Variants in SLC14A2 observed in about 807,000 individuals in gnomAD.
SLC14A2 encodes urea transporter 2.
A neutral mutation model predicts 104.6 loss-of-function variants in SLC14A2; 91 were observed. That is an observed-to-expected ratio of 0.87 (90% CI 0.73 to 1.04). The LOEUF (loss-of-function observed/expected upper bound fraction) is 1.04. Among genes scored for constraint, SLC14A2 ranks in the 50% least tolerant of loss-of-function variants. The probability of loss-of-function intolerance (pLI) is 0.00; values close to 1 mark genes in which losing one functional copy is unlikely to be tolerated. For synonymous variants in SLC14A2, 476 were observed against 466.4 expected (o/e 1.02, Z -0.27); for missense variants, 1,189 against 1,156.0 (o/e 1.03, Z -0.41).
chr18:45,286,522 C>A (rs1005109430), intron 1 of SLC14A2, among the ~76,000 whole-genome samples: 4 of 152,228 alleles, frequency 2.6e-5, no homozygotes, highest in Non-Finnish European at 4.4e-5. Context: ...ACCATATCTA[C>A]TCTCATTTTA....
chr18:45,584,451 T>C (rs1383180022), intron 2 of SLC14A2, among the ~76,000 whole-genome samples: 1 of 152,222 alleles, frequency 6.6e-6, no homozygotes, highest in Non-Finnish European at 1.5e-5. Context: ...ATGAACAACC[T>C]GTAGCAGTTT....
chr18:45,431,185 C>T (rs1193560020), intron 1 of SLC14A2, among the ~76,000 whole-genome samples: 1 of 152,150 alleles, frequency 6.6e-6, no homozygotes, highest in Non-Finnish European at 1.5e-5. Flanking sequence ...TCTGCTACAG[C>T]CTAAGTGACC....
chr18:45,675,191 A>T lies in SLC14A2; in HGVS notation c.2512+1374A>T, dbSNP rs79819147. 2.7e-3 allele frequency among the ~76,000 whole-genome samples: 417 copies of T among 152,376 alleles called. 1 individual carries two copies. The highest frequency in any genetic ancestry group is 5.1e-3 in the Non-Finnish European group (347 of 68,040). ...GAAACATGAGAATACACTAAAGTGA[A>T]TTTTAAGCCCCTGTAGGTGGATCCT... is the stretch of plus-strand genomic sequence containing the variant. On this transcript the variant is annotated intron_variant, in intron 18 of 19. Coordinates refer to ENST00000255226, the MANE Select transcript of SLC14A2 (RefSeq NM_007163.4).
intron 1 of SLC14A2, among the ~76,000 whole-genome samples, chr18:45,284,438 G>A (rs892532281): frequency 1.6e-4 from 24 of 152,080 alleles, no homozygotes; most frequent in Non-Finnish European, 5.9e-5. Context: ...TTTGGCAGGC[G>A]CTGTCTCCTT....
intron 1 of SLC14A2, among the ~76,000 whole-genome samples, chr18:45,356,193 C>T (rs887720443): frequency 6.6e-6 from 1 of 152,156 alleles, no homozygotes; most frequent in African/African-American, 2.4e-5. Context: ...TCTGTGGCTC[C>T]TTGAGCATGT....
At chr18:45,181,201 T>C in the SLC14A2 span, 1 of 152,386 alleles carries the variant, frequency 6.6e-6, no homozygotes. Flanking sequence ...ACGAAGTCTG[T>C]ATGTCCGTAG....
intron 13 of SLC14A2, among the ~76,000 whole-genome samples, chr18:45,667,565 G>C (rs566145382): frequency 1.3e-5 from 2 of 152,186 alleles, no homozygotes; most frequent in African/African-American, 4.8e-5. Context: ...CACCACAGGG[G>C]TCAGAGGCAG....
chr18:45,322,151 G>C (rs1425278063), intron 1 of SLC14A2, among the ~76,000 whole-genome samples: 2 of 152,186 alleles, frequency 1.3e-5, no homozygotes, highest in Non-Finnish European at 2.9e-5. Flanking sequence ...GGAATAAATG[G>C]CAAATACTTT....
At chr18:45,228,016 T>C (rs2084137092) in intron 1 of SLC14A2, among the ~76,000 whole-genome samples, 1 of 152,200 alleles carries the variant, frequency 6.6e-6, no homozygotes, top group African/African-American at 2.4e-5. Flanking sequence ...AAATCGATAA[T>C]AGATTAATTC....
At chr18:45,526,098 A>C (rs2043591164) in intron 2 of SLC14A2, among the ~76,000 whole-genome samples, 1 of 152,364 alleles carries the variant, frequency 6.6e-6, no homozygotes, top group Non-Finnish European at 1.5e-5. Context: ...CATAAGGGAT[A>C]GCTTCAGAGA....
chr18:45,286,527 ATTTTATAGAGGAC>A (rs2084815916), intron 1 of SLC14A2, among the ~76,000 whole-genome samples: 1 of 152,202 alleles, frequency 6.6e-6, no homozygotes. Flanking sequence ...ATCTACTCTC[ATTTTATAGAGGAC>A]TAAAGGTGGC....
intron 1 of SLC14A2, among the ~76,000 whole-genome samples, chr18:45,278,734 T>C (rs1244339641): frequency 6.6e-6 from 1 of 152,132 alleles, no homozygotes; most frequent in African/African-American, 2.4e-5. Context: ...ATATTTTCAA[T>C]AGTGTCTAGT....
At chr18:45,185,879 T>G in the SLC14A2 span, among the ~76,000 whole-genome samples, 425 of 152,256 alleles carry the variant, frequency 2.8e-3, 5 homozygotes, top group African/African-American at 9.6e-3. Flanking sequence ...AAATTCCACT[T>G]ACAATAGCAT....
At chr18:45,643,643 C>T (rs1408709092) in intron 9 of SLC14A2, among the ~76,000 whole-genome samples, 2 of 152,192 alleles carry the variant, frequency 1.3e-5, no homozygotes, top group Non-Finnish European at 2.9e-5. Flanking sequence ...AAGCCATCCT[C>T]CCAGTTCAGC....
At chr18:45,572,951 G>A (rs916650688) in intron 2 of SLC14A2, among the ~76,000 whole-genome samples, 1 of 152,192 alleles carries the variant, frequency 6.6e-6, no homozygotes, top group African/African-American at 2.4e-5. Flanking sequence ...AAGCATCATT[G>A]TTATTGTCAC....
At chr18:45,389,840 G>A (rs1269623976) in intron 1 of SLC14A2, among the ~76,000 whole-genome samples, 3 of 152,058 alleles carry the variant, frequency 2.0e-5, no homozygotes, top group Non-Finnish European at 4.4e-5. Context: ...GAGTAAAAAC[G>A]TTGACCCTGA....
exon 1 of SLC14A2, chr18:45,213,133 CAGA>C (rs1306029029): frequency 6.6e-6 from 1 of 152,190 alleles, no homozygotes; most frequent in Non-Finnish European, 1.5e-5. Flanking sequence ...CCTCTACCTA[CAGA>C]CAAGGAAAAG....
intron 2 of SLC14A2, among the ~76,000 whole-genome samples, chr18:45,488,684 G>A (rs1370373729): frequency 6.6e-6 from 1 of 152,168 alleles, no homozygotes; most frequent in Non-Finnish European, 1.5e-5. Context: ...GAGTAGCAAG[G>A]GTTAAAAACA....
At position 45,682,637 on chromosome 18, in the gene SLC14A2, A is replaced by C; in HGVS notation, c.*118A>C. On this transcript the variant is annotated 3_prime_UTR_variant, in exon 20 of 20. Transcript: ENST00000255226. ...CTGTTCTGTGACTCTCTCCCCAAAC[A>C]CAAAGAAGCGTGTATGTAGTCACCA... 1.3e-6 allele frequency: 1 copy of C among 788,284 alleles called. No individual in the cohort carries two copies. Among genetic ancestry groups the C allele is most frequent in the Non-Finnish European group, 2.2e-6 (1 of 452,916 alleles). 48.8% of individuals were successfully genotyped at this position (788,284 alleles called of 1,614,324 possible). A position where few individuals can be genotyped will look rare whatever the true frequency, so the allele number is the denominator to read the frequency against.
Sources: gnomAD v4.1 joint callset for allele counts (sites outside exome capture counted in the v4.1 genomes callset) on GRCh38, gnomAD v4.1.1 for gene constraint, MANE v1.5 for transcripts, NCBI Gene and HGNC (gene_info 2026-07-23, HGNC 2026-07-21) for gene names.